Variants in CREBRF observed in about 807,000 individuals in gnomAD.
The protein encoded by CREBRF is UPF0474 protein C5orf41.
In CREBRF, 5 loss-of-function variants were observed where a neutral mutation model predicts 66.1. The observed-to-expected ratio is 0.08, with a 90% CI of 0.04 to 0.16. The LOEUF is 0.16. Among genes scored for constraint, CREBRF ranks in the 10% least tolerant of loss-of-function variants. The pLI is 1.00. For synonymous variants in CREBRF, 229 were observed against 264.4 expected, an observed-to-expected ratio of 0.87 and a Z score of 1.30; for missense variants, 531 against 744.9, an observed-to-expected ratio of 0.71 and a Z score of 3.34.
rs1031436895 is a variant in CREBRF at position 173,118,446 on chromosome 5, A to AT, written c.1682-4624dup. On this transcript the variant is annotated intron_variant, in intron 7 of 8. Transcript: ENST00000296953. ...CCAGCATTTACAAATCTTTTCTTGT[A>AT]TTTTTTTTTTCTTAGCATTTACGTA... 1.1e-3 allele frequency among the ~76,000 whole-genome samples: 167 copies of AT among 148,602 alleles called. 2 individuals are homozygous for AT. Among genetic ancestry groups the AT allele is most frequent in the Middle Eastern group, 7.1e-3 (2 of 282 alleles).
At chr5:173,116,167 G>A (rs1758984021) in intron 7 of CREBRF, among the ~76,000 whole-genome samples, 1 of 152,142 alleles carries the variant, frequency 6.6e-6, no homozygotes, top group African/African-American at 2.4e-5. Flanking sequence ...TCTCTGAAGA[G>A]GTAGAGATTA....
Position 173,090,674 on chromosome 5 carries a change from A to C in CREBRF, c.495A>C (p.Gln165His). 2 of 1,614,146 alleles carry C rather than the reference A, an allele frequency of 1.2e-6. No homozygotes were observed. Among genetic ancestry groups the C allele is most frequent in the African/African-American group, 2.7e-5 (2 of 75,046 alleles). The change falls in exon 4 of 9, where the codon CAA becomes CAC. Residue 165 changes from glutamine (Q) to histidine (H), a missense_variant. By Grantham distance (24) the Gln-to-His change is conservative. Coordinates refer to ENST00000296953, the MANE Select transcript of CREBRF (RefSeq NM_153607.3). This position sits in a 1 kb window ranked among gnomAD's most constrained non-coding sequence, Gnocchi z 4.5. ...YYPDSLFSVKQNPLPSSFPGK... is the reference protein window; with the variant it reads ...YYPDSLFSVKHNPLPSSFPGK... ...CCGATTCACTTTTCAGTGTCAAACAAAATCCCTTACCCTCTTCATTCCCTG... is the reference window on the plus strand; with the variant it reads ...CCGATTCACTTTTCAGTGTCAAACACAATCCCTTACCCTCTTCATTCCCTG...
At chr5:173,073,621 A>C (rs1035497766) in intron 1 of CREBRF, among the ~76,000 whole-genome samples, 7 of 152,246 alleles carry the variant, frequency 4.6e-5, no homozygotes, top group Non-Finnish European at 1.0e-4. Flanking sequence ...GTTTTCAGAA[A>C]TAAAAAGTAG....
chr5:173,075,207 A>G (rs1265083435), intron 1 of CREBRF, among the ~76,000 whole-genome samples: 2 of 152,236 alleles, frequency 1.3e-5, no homozygotes, highest in Admixed American at 6.5e-5. Context: ...ATGACAAACT[A>G]TAATAATCTG....
intron 7 of CREBRF, among the ~76,000 whole-genome samples, chr5:173,116,896 G>A (rs1159991656): frequency 1.3e-5 from 2 of 150,728 alleles, no homozygotes; most frequent in Admixed American, 1.3e-4. Flanking sequence ...ATATGGCAAG[G>A]CCTATATTCT....
intron 2 of CREBRF, chr5:173,085,819 A>G: frequency 1.3e-6 from 1 of 780,788 alleles, no homozygotes. Flanking sequence ...CTGGAGTGAT[A>G]GGCTTCTGTT....
At chr5:173,128,165 A>C (rs1416023646) in intron 8 of CREBRF, among the ~76,000 whole-genome samples, 1 of 151,970 alleles carries the variant, frequency 6.6e-6, no homozygotes, top group Non-Finnish European at 1.5e-5. Context: ...ATAAGTTCTG[A>C]TTTGTCATTT....
At chr5:173,120,438 G>GGT (rs1759112422) in intron 7 of CREBRF, among the ~76,000 whole-genome samples, 1 of 150,494 alleles carries the variant, frequency 6.6e-6, no homozygotes, top group African/African-American at 2.4e-5. Context: ...GGAGTGCAGT[G>GGT]GCACGATCTC....
chr5:173,117,516 T>TCCCCC (rs771025678), intron 7 of CREBRF, among the ~76,000 whole-genome samples: 1 of 64,882 alleles, frequency 1.5e-5, no homozygotes, highest in Non-Finnish European at 3.2e-5. Flanking sequence ...TTGCCTTCCC[T>TCCCCC]TCCCTCCCCT....
At position 173,069,751 on chromosome 5, in the gene CREBRF, G is replaced by A. The variant is rs139647669; in HGVS notation, c.-191-10834G>A. Among the ~76,000 whole-genome samples the A allele has an allele frequency of 1.9e-4, 29 of 152,254 alleles. No individual in the cohort carries two copies. In the East Asian group the frequency reaches 4.2e-3, roughly 22 times the overall value. ...TTTCTCAGTGTTAAAAGAGATGACTGCAAAACCATGTTCAAATAACCTCTG... is the reference window on the plus strand; with the variant it reads ...TTTCTCAGTGTTAAAAGAGATGACTACAAAACCATGTTCAAATAACCTCTG... On this transcript the variant is annotated intron_variant, in intron 1 of 8. Transcript: ENST00000296953.
intron 1 of CREBRF, among the ~76,000 whole-genome samples, chr5:173,067,122 G>A (rs1277343649): frequency 3.3e-5 from 5 of 152,066 alleles, no homozygotes; most frequent in Admixed American, 1.3e-4. Context: ...CTGAGCCACC[G>A]TGCTCGGCCT....
intron 1 of CREBRF, among the ~76,000 whole-genome samples, chr5:173,079,975 G>GT (rs919465270): frequency 6.6e-5 from 10 of 152,120 alleles, no homozygotes; most frequent in African/African-American, 2.4e-4. Flanking sequence ...CCTCAGGCCC[G>GT]TTTTCCCTCA....
At chr5:173,115,644 T>C (rs547154037) in intron 7 of CREBRF, among the ~76,000 whole-genome samples, 1 of 150,758 alleles carries the variant, frequency 6.6e-6, no homozygotes, top group East Asian at 1.9e-4. Context: ...AGTTTTGCTT[T>C]GTTTTTTTTT....
At chr5:173,078,457 A>G (rs796642917) in intron 1 of CREBRF, among the ~76,000 whole-genome samples, 18 of 151,372 alleles carry the variant, frequency 1.2e-4, no homozygotes, top group African/African-American at 4.1e-4. Context: ...AAAAAGGTTT[A>G]TGTATTTATT....
intron 4 of CREBRF, among the ~76,000 whole-genome samples, chr5:173,107,381 C>G (rs1758772932): frequency 6.6e-6 from 1 of 152,162 alleles, no homozygotes; most frequent in Admixed American, 6.5e-5. Flanking sequence ...TGGCCATTCT[C>G]TGAGGGTATT....
At chr5:173,068,162 A>G (rs1220694065) in intron 1 of CREBRF, 1 of 453,450 alleles carries the variant, frequency 2.2e-6, no homozygotes, top group South Asian at 1.6e-5. Context: ...TGTAAATTTT[A>G]TTCTTTTGTC....
chr5:173,062,096 T>C (rs1757289432), intron 1 of CREBRF, among the ~76,000 whole-genome samples: 1 of 152,214 alleles, frequency 6.6e-6, no homozygotes, highest in Non-Finnish European at 1.5e-5. Context: ...TAATGATGTT[T>C]TCCATCTCAC....
At chr5:173,060,839 A>G (rs1757248203) in intron 1 of CREBRF, among the ~76,000 whole-genome samples, 1 of 152,074 alleles carries the variant, frequency 6.6e-6, no homozygotes, top group South Asian at 2.1e-4. Context: ...GCTGTAGAAA[A>G]TATGTTCTAC....
At chr5:173,060,100 G>T (rs1270899600) in intron 1 of CREBRF, among the ~76,000 whole-genome samples, 1 of 152,034 alleles carries the variant, frequency 6.6e-6, no homozygotes, top group Non-Finnish European at 1.5e-5. Context: ...GTAAGTTTGT[G>T]TGTTGATTCT....
Sources: allele counts gnomAD v4.1 joint callset (sites outside exome capture counted in the v4.1 genomes callset), GRCh38; gene constraint gnomAD v4.1.1; non-coding constraint Gnocchi (gnomAD v3.1); transcripts MANE v1.5; gene names NCBI Gene and HGNC (gene_info 2026-07-23, HGNC 2026-07-21).